IL1RAPL1: variants seen among roughly 807,000 people sequenced by gnomAD.
IL1RAPL1 encodes interleukin 1 receptor accessory protein like 1, also known as interleukin-1 receptor accessory protein-like 1.
IL1RAPL1 carries 3 observed loss-of-function variants against 48.4 expected under a neutral mutation model. That is an observed-to-expected ratio of 0.06 (90% CI 0.03 to 0.16). The LOEUF (loss-of-function observed/expected upper bound fraction) is 0.16, where lower values mean the gene tolerates loss of function less well. Ranked by LOEUF, IL1RAPL1 falls within the 10% of genes least tolerant of loss-of-function variation. The pLI is 1.00. For missense variants in IL1RAPL1, 349 were observed against 530.6 expected, an observed-to-expected ratio of 0.66 and a Z score of 3.36; for synonymous variants, 185 against 187.7, an observed-to-expected ratio of 0.99 and a Z score of 0.12.
At chrX:29,035,011 C>G (rs755922159) in intron 2 of IL1RAPL1, among the ~76,000 whole-genome samples, 4 of 110,883 alleles carry the variant, frequency 3.6e-5, no homozygotes, top group African/African-American at 1.3e-4. Context: ...CCTGCCACCA[C>G]GCCCGGCTAA....
chrX:29,417,509 G>C (rs1438613954), intron 5 of IL1RAPL1, among the ~76,000 whole-genome samples: 2 of 111,456 alleles, frequency 1.8e-5, no homozygotes, highest in African/African-American at 6.5e-5. Context: ...AGCTTACTCT[G>C]TGCCTTAATT....
chrX:29,241,913 TA>T (rs1374773559), intron 2 of IL1RAPL1, among the ~76,000 whole-genome samples: 2 of 111,495 alleles, frequency 1.8e-5, no homozygotes, highest in East Asian at 5.7e-4. Context: ...CAAGGTGCAG[TA>T]AAAGTCAGAG....
chrX:29,209,177 A>T (rs765219834), intron 2 of IL1RAPL1, among the ~76,000 whole-genome samples: 1 of 111,688 alleles, frequency 9.0e-6, no homozygotes, highest in Non-Finnish European at 1.9e-5. Context: ...CGTGACATTT[A>T]ATCTATTTTT....
At chrX:28,844,917 C>A (rs1450285302) in intron 2 of IL1RAPL1, among the ~76,000 whole-genome samples, 1 of 111,433 alleles carries the variant, frequency 9.0e-6, no homozygotes, top group South Asian at 3.7e-4. Context: ...AGTATTGAGT[C>A]TTTTGTGTCA....
At chrX:28,910,602 T>C (rs762497575) in intron 2 of IL1RAPL1, among the ~76,000 whole-genome samples, 3 of 109,061 alleles carry the variant, frequency 2.8e-5, no homozygotes, top group Non-Finnish European at 5.7e-5. Flanking sequence ...AAACGTTTTG[T>C]AAAGCTTTTG....
chrX:29,785,945 C>T (rs763320659), intron 6 of IL1RAPL1, among the ~76,000 whole-genome samples: 2 of 95,528 alleles, frequency 2.1e-5, no homozygotes, highest in Non-Finnish European at 4.0e-5. Context: ...AGCCCCAAAC[C>T]TGAACATGGA....
At chrX:29,831,858 T>C (rs1930885948) in intron 6 of IL1RAPL1, among the ~76,000 whole-genome samples, 1 of 111,842 alleles carries the variant, frequency 8.9e-6, no homozygotes, top group African/African-American at 3.2e-5. Flanking sequence ...GGCCATTATG[T>C]CCCAATATGC....
chrX:29,184,123 CTTCTATTATAAAATATACACATAT>C (rs1276149628), intron 2 of IL1RAPL1, among the ~76,000 whole-genome samples: 2 of 112,229 alleles, frequency 1.8e-5, no homozygotes, highest in East Asian at 2.8e-4. Flanking sequence ...CGTGTATATA[CTTCTATTATAAAATATACACATAT>C]TTCTATTATA....
At chrX:29,782,096 G>A (rs143209950) in intron 6 of IL1RAPL1, among the ~76,000 whole-genome samples, 2,142 of 90,423 alleles carry the variant, frequency 0.024, 45 homozygotes, top group African/African-American at 0.063. Flanking sequence ...CTGTCTGTCT[G>A]TCTGTCTATC....
intron 3 of IL1RAPL1, among the ~76,000 whole-genome samples, chrX:29,315,946 T>A (rs1413336574): frequency 9.0e-6 from 1 of 111,401 alleles, no homozygotes; most frequent in Non-Finnish European, 1.9e-5. Flanking sequence ...CAAAGAACAA[T>A]CCAAAGGTTG....
At chrX:29,320,003 C>T (rs1215925102) in intron 3 of IL1RAPL1, among the ~76,000 whole-genome samples, 3 of 111,872 alleles carry the variant, frequency 2.7e-5, no homozygotes, top group East Asian at 2.8e-4. Context: ...AGCCTCCCAA[C>T]GGGAGACAAC....
intron 3 of IL1RAPL1, among the ~76,000 whole-genome samples, chrX:29,368,504 G>A (rs939610264): frequency 9.0e-6 from 1 of 111,274 alleles, no homozygotes; most frequent in African/African-American, 3.3e-5. Flanking sequence ...ACCTAAGGCT[G>A]TGGAGTAGCT....
intron 6 of IL1RAPL1, among the ~76,000 whole-genome samples, chrX:29,885,790 G>A (rs1932148918): frequency 8.9e-6 from 1 of 111,754 alleles, no homozygotes; most frequent in Non-Finnish European, 1.9e-5. Flanking sequence ...CTGCACTCCA[G>A]CCTAGGTGAC....
At chrX:28,827,597 G>T (rs1937006970) in intron 2 of IL1RAPL1, among the ~76,000 whole-genome samples, 1 of 111,693 alleles carries the variant, frequency 9.0e-6, no homozygotes, top group South Asian at 3.7e-4. Context: ...TGGCTGTGAA[G>T]AGGATCTATA....
At chrX:29,243,201 A>G (rs778767823) in intron 2 of IL1RAPL1, among the ~76,000 whole-genome samples, 2 of 112,446 alleles carry the variant, frequency 1.8e-5, no homozygotes, top group Non-Finnish European at 3.8e-5. Context: ...ATATGTTAAG[A>G]ACCCTTCATT....
intron 2 of IL1RAPL1, among the ~76,000 whole-genome samples, chrX:29,051,498 G>A (rs1056709466): frequency 4.5e-5 from 5 of 112,025 alleles, no homozygotes; most frequent in South Asian, 3.7e-4. Flanking sequence ...AAAACTATTC[G>A]TGCTTTTATG....
intron 2 of IL1RAPL1, among the ~76,000 whole-genome samples, chrX:28,798,966 C>G (rs759413075): frequency 9.0e-5 from 10 of 111,711 alleles, no homozygotes; most frequent in African/African-American, 2.3e-4. Context: ...AAAAATACCC[C>G]CTTTTCTTTG....
At chrX:28,941,764 T>G (rs1343705294) in intron 2 of IL1RAPL1, among the ~76,000 whole-genome samples, 1 of 111,063 alleles carries the variant, frequency 9.0e-6, no homozygotes, top group Non-Finnish European at 1.9e-5. Context: ...AGATGTCCGT[T>G]TTATCTCTAA....
chrX:29,765,375 C>T (rs756243091), intron 6 of IL1RAPL1, among the ~76,000 whole-genome samples: 52 of 110,476 alleles, frequency 4.7e-4, no homozygotes, highest in African/African-American at 1.4e-3. Context: ...ATTTATAACA[C>T]GACTAATTAA....
Sources: allele counts gnomAD v4.1 joint callset (sites outside exome capture counted in the v4.1 genomes callset), GRCh38; gene constraint gnomAD v4.1.1; transcripts MANE v1.5; gene names NCBI Gene and HGNC (gene_info 2026-07-23, HGNC 2026-07-21).